The following ZNF287 variants were observed in gnomAD, a reference collection of about 807,000 sequenced individuals.
ZNF287 encodes the protein zinc finger protein with KRAB and SCAN domains 13.
In ZNF287, 31 loss-of-function variants were observed where a neutral mutation model predicts 73.7. That is an observed-to-expected ratio of 0.42 (90% CI 0.32 to 0.57). The LOEUF is 0.57. Among genes scored for constraint, ZNF287 ranks in the 20% least tolerant of loss-of-function variants. ZNF287 has a pLI of 0.13. For synonymous variants in ZNF287, 301 were observed against 307.2 expected (o/e 0.98, Z 0.21); for missense variants, 641 against 909.3 (o/e 0.70, Z 3.79).
rs1440515471 is a variant in ZNF287, at chr17:16,549,728, C to A, written c.*2128G>T. 6.6e-6 allele frequency among the ~76,000 whole-genome samples: 1 copy of A among 152,176 alleles called. No homozygotes were observed. The highest frequency in any genetic ancestry group is 1.5e-5 in the Non-Finnish European group (1 of 68,030). ...TCCAAAGGAAGTTGCATGGTTAATA[C>A]ATGCTTAAATTGATATTTATAGCAC... On this transcript the variant is annotated 3_prime_UTR_variant, in exon 6 of 6. Transcript: ENST00000395825.
chr17:16,558,966 G>T (rs1277592963), intron 5 of ZNF287: 1 of 151,762 alleles, frequency 6.6e-6, no homozygotes, highest in African/African-American at 2.4e-5. Context: ...GACAGAGTGA[G>T]ACTCTGTCTC....
chr17:16,549,272 T>G lies in ZNF287; in HGVS notation c.*2584A>C, dbSNP rs915503542. On this transcript the variant is annotated 3_prime_UTR_variant, in exon 6 of 6. Transcript: ENST00000395825. ...ACAAAGATCTAGGGTTCTCCACTAT[T>G]ACTAGTCTGTTATTTTATAAGGGCA... Among the ~76,000 whole-genome samples the G allele has an allele frequency of 1.3e-5, 2 of 152,232 alleles. No homozygotes were observed. Among genetic ancestry groups the G allele is most frequent in the African/African-American group, 2.4e-5 (1 of 41,460 alleles).
chr17:16,566,931 CT>C (rs1211592980), intron 2 of ZNF287, among the ~76,000 whole-genome samples: 6 of 152,176 alleles, frequency 3.9e-5, no homozygotes, highest in Non-Finnish European at 8.8e-5. Context: ...TAGACCCTTT[CT>C]TCCTTTTTTG....
chr17:16,559,572 AACACAC>A (rs148356389), intron 5 of ZNF287, among the ~76,000 whole-genome samples: 1 of 147,382 alleles, frequency 6.8e-6, no homozygotes, highest in African/African-American at 2.5e-5. Context: ...TAAAAGAACT[AACACAC>A]ACACACACAC....
In ZNF287 at chr17:16,567,497, T is replaced by A. The variant is rs1240419381; in HGVS notation, c.235A>T (p.Arg79Ter). The change falls in exon 2 of 6, where the codon AGA becomes TGA. Residue 79 changes from arginine to a stop codon, truncating the protein, a stop_gained. Transcript: ENST00000395825. LOFTEE classifies it high-confidence loss of function. ...QLRELCLKWL[R>*]PEIHSKEQIL... ...TGTTCCTTTGAGTGAATCTCAGGTC[T>A]CAGCCACTTAAGGCAGAGCTCTCGG... The A allele has an allele frequency of 6.2e-7, 1 of 1,614,218 alleles. No homozygotes were observed. The highest frequency in any genetic ancestry group is 2.2e-5 in the East Asian group (1 of 44,888).
chr17:16,566,770 A>T, intron 2 of ZNF287, 148 bp from the exon 3 acceptor site: 1 of 539,976 alleles, frequency 1.9e-6, no homozygotes, highest in South Asian at 3.3e-5. Context: ...ATCAGAGGAA[A>T]GGGCCAATGA....
chr17:16,549,964 T>A lies in ZNF287; in HGVS notation c.*1892A>T, dbSNP rs1364364525. On this transcript the variant is annotated 3_prime_UTR_variant, in exon 6 of 6. Transcript: ENST00000395825. ...CTTTATTACTGAAATCTAATTTATA[T>A]AATTTATTCATTAATTCAACCATGT... Among the ~76,000 whole-genome samples, 1 of 152,216 alleles carries A rather than the reference T, an allele frequency of 6.6e-6. No individual in the cohort carries two copies. Among genetic ancestry groups the A allele is most frequent in the Non-Finnish European group, 1.5e-5 (1 of 68,034 alleles).
intron 5 of ZNF287, among the ~76,000 whole-genome samples, chr17:16,556,165 GACACACACACAC>G (rs137989045): frequency 6.9e-5 from 10 of 144,312 alleles, no homozygotes; most frequent in Non-Finnish European, 1.5e-4. Flanking sequence ...GACAGACACA[GACACACACACAC>G]ACACACACAC....
chr17:16,558,176 A>G (rs1907197251), intron 5 of ZNF287: 1 of 152,244 alleles, frequency 6.6e-6, no homozygotes, highest in Admixed American at 6.5e-5. Flanking sequence ...TATTTTGCCA[A>G]CTAAGGCATA....
intron 3 of ZNF287, among the ~76,000 whole-genome samples, chr17:16,565,012 G>A (rs751178775): frequency 3.6e-4 from 55 of 151,802 alleles, no homozygotes; most frequent in African/African-American, 1.3e-3. Flanking sequence ...GAGCCACTGC[G>A]CCTGGCCACG....
chr17:16,555,465 C>T (rs1006911337), intron 5 of ZNF287, among the ~76,000 whole-genome samples: 1 of 152,176 alleles, frequency 6.6e-6, no homozygotes, highest in Non-Finnish European at 1.5e-5. Flanking sequence ...CCTTCTTTCA[C>T]ATTTCGTTTA....
Position 16,553,078 on chromosome 17 carries a change from C to G in ZNF287, c.1064G>C (p.Gly355Ala), listed in dbSNP as rs1361276250. The change falls in exon 6 of 6, where the codon GGT becomes GCT. Residue 355 changes from glycine to alanine, a missense_variant. Physicochemically the swap from Gly to Ala is moderately conservative, Grantham distance 60 (BLOSUM62 0). Around this residue, in one of 2 missense-constraint regions of ZNF287, gnomAD observed 357 missense variants for 442.4 expected, o/e 0.81. Transcript: ENST00000395825. ...GRATFNHVSY[G>A]IVHRKILPGE... is the part of the protein sequence containing the mutation. ...AGGAAGTATTTTCCTATGTACAATA[C>G]CATATGAGACATGATTGAAGGTTGC... The G allele has an allele frequency of 6.2e-7, 1 of 1,614,122 alleles. No individual in the cohort carries two copies. The highest frequency in any genetic ancestry group is 8.5e-7 in the Non-Finnish European group (1 of 1,180,002).
chr17:16,560,355 T>C (rs1194362909), intron 5 of ZNF287, among the ~76,000 whole-genome samples: 1 of 148,332 alleles, frequency 6.7e-6, no homozygotes, highest in Non-Finnish European at 1.5e-5. Flanking sequence ...GGGAGAGCTC[T>C]TCTTTTTTTT....
In ZNF287 at chr17:16,552,907, A is replaced by G. The variant is rs371716798; in HGVS notation, c.1235T>C (p.Ile412Thr). 7.4e-6 allele frequency: 12 copies of G among 1,614,062 alleles called. No individual in the cohort carries two copies. The highest frequency in any genetic ancestry group is 1.7e-5 in the Admixed American group (1 of 60,004). The change falls in exon 6 of 6, where the codon ATT (isoleucine) becomes ACT (threonine). Residue 412 changes from isoleucine to threonine, a missense_variant. This residue lies in a region of ZNF287 where 284 missense variants were observed against 466.8 expected (regional missense o/e 0.61). Coordinates refer to ENST00000395825, the MANE Select transcript of ZNF287 (RefSeq NM_020653.4). This position sits in a 1 kb window ranked among gnomAD's most constrained non-coding sequence, Gnocchi z 6.5. ...TCCAGTGTGCATTCTCTGATGTGCA[A>G]TAAGGGATGAGATATGCCTAAACTC... The part of the protein sequence containing the change: ...GKEFRHISSL[I>T]AHQRMHTGEK...
Position 16,549,085 on chromosome 17 carries a change from T to C in ZNF287, c.*2771A>G, listed in dbSNP as rs1311840949. Among the ~76,000 whole-genome samples the C allele has an allele frequency of 6.6e-6, 1 of 152,210 alleles. No individual in the cohort carries two copies. ...TTTGGTTAAAAAAAATACGGCAGAATGTTAGTTTTTAAATTTAGGTGGGTA... is the reference window on the plus strand; with the variant it reads ...TTTGGTTAAAAAAAATACGGCAGAACGTTAGTTTTTAAATTTAGGTGGGTA... On this transcript the variant is annotated 3_prime_UTR_variant, in exon 6 of 6. Transcript: ENST00000395825.
intron 5 of ZNF287, among the ~76,000 whole-genome samples, chr17:16,562,105 A>G (rs1366922447): frequency 1.3e-5 from 2 of 152,226 alleles, no homozygotes; most frequent in Non-Finnish European, 2.9e-5. Context: ...TAGACAGTAC[A>G]TAAGTGATGA....
chr17:16,559,952 A>ATT (rs1204914616), intron 5 of ZNF287, among the ~76,000 whole-genome samples: 1 of 151,894 alleles, frequency 6.6e-6, no homozygotes, highest in African/African-American at 2.4e-5. Flanking sequence ...ATATATATAT[A>ATT]TATATTTTTC....
At chr17:16,563,970 CCT>C (rs1374361423) in intron 3 of ZNF287, 145 bp from the exon 4 acceptor site, 22 of 853,368 alleles carry the variant, frequency 2.6e-5, no homozygotes, top group Middle Eastern at 3.5e-4. Context: ...AAAACCCTCC[CCT>C]GACATATGGA....
rs1597476031 is a variant in ZNF287, at chr17:16,567,812, G to A, written c.-81C>T. ...CAACTGCTTGAAGTCTCATGCTAGAGTCACAAGGACACTATATCAAAGGCT... is the reference window on the plus strand; with the variant it reads ...CAACTGCTTGAAGTCTCATGCTAGAATCACAAGGACACTATATCAAAGGCT... On this transcript the variant is annotated 5_prime_UTR_variant, in exon 2 of 6. Transcript: ENST00000395825. 3 of 1,519,956 alleles carry A rather than the reference G, an allele frequency of 2.0e-6. No homozygotes were observed. The Admixed American group carries it at 6.2e-5, about 31-fold the overall frequency. 94.2% of individuals were successfully genotyped at this position (1,519,956 alleles called of 1,614,324 possible). A position where few individuals can be genotyped will look rare whatever the true frequency, so the allele number is the denominator to read the frequency against.
Sources: gnomAD v4.1 joint callset for allele counts (sites outside exome capture counted in the v4.1 genomes callset) on GRCh38, gnomAD v4.1.1 for gene constraint, gnomAD v4.1.1 regional missense constraint, Gnocchi (gnomAD v3.1) non-coding constraint, MANE v1.5 for transcripts, NCBI Gene and HGNC (gene_info 2026-07-23, HGNC 2026-07-21) for gene names.